Variants in ADARB2 observed in about 807,000 individuals in gnomAD.
ADARB2 encodes adenosine deaminase RNA specific B2 (inactive).
In ADARB2, 25 loss-of-function variants were observed where a neutral mutation model predicts 62.2. The observed-to-expected ratio is 0.40, with a 90% confidence interval of 0.29 to 0.56. The LOEUF is 0.56. Among genes scored for constraint, ADARB2 ranks in the 20% least tolerant of loss-of-function variants. The pLI is 0.43. For missense variants in ADARB2, 1,071 were observed against 1,077.4 expected (o/e 0.99, Z 0.08); for synonymous variants, 572 against 500.8 (o/e 1.14, Z -1.90).
At position 1,217,952 on chromosome 10, in the gene ADARB2, C is replaced by T. The variant is rs1036980314; in HGVS notation, c.1514-833G>A. Reference sequence around the variant, plus strand: ...TCTAGGGTCCCCTTGACACCCCCCGCCCCCCTATACCACATTCCCCACAAT... The same window carrying T: ...TCTAGGGTCCCCTTGACACCCCCCGTCCCCCTATACCACATTCCCCACAAT... On this transcript the variant is annotated intron_variant, in intron 6 of 9. Transcript: ENST00000381312. Among the ~76,000 whole-genome samples the T allele has an allele frequency of 2.6e-5, 4 of 152,128 alleles. 1 individual carries two copies. Among genetic ancestry groups the T allele is most frequent in the Admixed American group, 2.0e-4 (3 of 15,272 alleles).
chr10:1,365,809 G>A (rs1832309192), intron 2 of ADARB2, among the ~76,000 whole-genome samples: 2 of 152,324 alleles, frequency 1.3e-5, no homozygotes, highest in Non-Finnish European at 2.9e-5. Context: ...CTGAACAAAG[G>A]TGTGCACTGC....
chr10:1,726,745 C>T (rs1323345366), intron 1 of ADARB2, among the ~76,000 whole-genome samples: 1 of 152,118 alleles, frequency 6.6e-6, no homozygotes, highest in South Asian at 2.1e-4. Context: ...AGATGGGGAG[C>T]TGGGGACCTG....
chr10:1,638,111 C>T (rs1833937071), intron 1 of ADARB2, among the ~76,000 whole-genome samples: 1 of 152,142 alleles, frequency 6.6e-6, no homozygotes, highest in South Asian at 2.1e-4. Context: ...TCATTAGTTG[C>T]CTCTGTATTT....
intron 1 of ADARB2, among the ~76,000 whole-genome samples, chr10:1,593,281 C>A (rs185032201): frequency 1.4e-5 from 2 of 146,432 alleles, no homozygotes; most frequent in Non-Finnish European, 1.5e-5. Flanking sequence ...CCAAGCCACC[C>A]TCCATAGGTC....
intron 1 of ADARB2, among the ~76,000 whole-genome samples, chr10:1,541,476 T>C (rs1832426229): frequency 1.3e-5 from 1 of 77,230 alleles, no homozygotes; most frequent in Non-Finnish European, 2.5e-5. Context: ...CAGACGCAGT[T>C]CAGACCCTGG....
chr10:1,567,151 G>A (rs1039320512), intron 1 of ADARB2, among the ~76,000 whole-genome samples: 1 of 152,152 alleles, frequency 6.6e-6, no homozygotes, highest in African/African-American at 2.4e-5. Context: ...GGGGGTCCCT[G>A]TGATGCTCAG....
intron 1 of ADARB2, among the ~76,000 whole-genome samples, chr10:1,550,304 G>A (rs993967542): frequency 6.6e-6 from 1 of 152,196 alleles, no homozygotes; most frequent in Non-Finnish European, 1.5e-5. Flanking sequence ...TCCTGGAAGT[G>A]CTAACCTCAA....
intron 1 of ADARB2, among the ~76,000 whole-genome samples, chr10:1,504,311 T>C (rs1488397534): frequency 6.6e-6 from 1 of 152,186 alleles, no homozygotes; most frequent in African/African-American, 2.4e-5. Context: ...CACAAGCCAG[T>C]CCTACTGTTT....
rs1831847182 is a variant in ADARB2, at chr10:1,506,322, T to A, written c.101-127162A>T. 2.0e-5 allele frequency among the ~76,000 whole-genome samples: 3 copies of A among 152,184 alleles called. No homozygotes were observed. The South Asian group carries it at 6.2e-4, about 32-fold the overall frequency. On this transcript the variant is annotated intron_variant, in intron 1 of 9. Transcript: ENST00000381312. ...GAAATTCTGCCCATAATATTTATTA[T>A]TTATGGGGGGGAAATGCTGGAATGC...
At chr10:1,248,911 G>A (rs997986065) in intron 4 of ADARB2, among the ~76,000 whole-genome samples, 2 of 152,216 alleles carry the variant, frequency 1.3e-5, no homozygotes, top group African/African-American at 4.8e-5. Flanking sequence ...AGTAGCAGAT[G>A]GTTTCAAGGC....
chr10:1,603,219 G>A (rs1389949220), intron 1 of ADARB2, among the ~76,000 whole-genome samples: 1 of 152,202 alleles, frequency 6.6e-6, no homozygotes, highest in Non-Finnish European at 1.5e-5. Flanking sequence ...GAGCTGGGAT[G>A]AGGAAGATGG....
chr10:1,254,140 G>A (rs1229333350), intron 4 of ADARB2, among the ~76,000 whole-genome samples: 6 of 151,790 alleles, frequency 4.0e-5, no homozygotes, highest in Admixed American at 3.9e-4. Context: ...GGATTCCGTG[G>A]TTAGAATGCA....
chr10:1,340,072 A>G (rs1255789354), intron 3 of ADARB2, among the ~76,000 whole-genome samples: 2 of 151,762 alleles, frequency 1.3e-5, no homozygotes, highest in African/African-American at 2.4e-5. Context: ...ATCAGCACCC[A>G]CCAGAGAACC....
chr10:1,376,092 A>C (rs1391992222), intron 2 of ADARB2, among the ~76,000 whole-genome samples: 4 of 151,934 alleles, frequency 2.6e-5, no homozygotes, highest in Non-Finnish European at 4.4e-5. Context: ...CGACACACAC[A>C]CACACACGCA....
At chr10:1,603,343 C>G (rs186049589) in intron 1 of ADARB2, among the ~76,000 whole-genome samples, 8 of 152,318 alleles carry the variant, frequency 5.3e-5, no homozygotes, top group African/African-American at 1.7e-4. Flanking sequence ...GAAGCAGCAC[C>G]GGCTTGGAGC....
intron 1 of ADARB2, among the ~76,000 whole-genome samples, chr10:1,581,355 C>T (rs1053735509): frequency 1.3e-5 from 2 of 152,230 alleles, no homozygotes; most frequent in African/African-American, 2.4e-5. Flanking sequence ...GAAGGTGCTG[C>T]CTCTGCTGGT....
At chr10:1,208,705 A>T (rs1381506657) in intron 7 of ADARB2, among the ~76,000 whole-genome samples, 2 of 152,186 alleles carry the variant, frequency 1.3e-5, no homozygotes, top group East Asian at 3.9e-4. Context: ...ATGGGCTCTT[A>T]AGTGGTCATG....
chr10:1,645,607 G>C (rs1278969622), intron 1 of ADARB2, among the ~76,000 whole-genome samples: 2 of 152,160 alleles, frequency 1.3e-5, no homozygotes, highest in African/African-American at 4.8e-5. Context: ...CACACCGTCA[G>C]TGTATTTAAA....
At chr10:1,451,255 C>T (rs2820627) in intron 1 of ADARB2, among the ~76,000 whole-genome samples, 110,735 of 152,176 alleles carry the variant, frequency 0.73, 40,777 homozygotes, top group Middle Eastern at 0.84. Flanking sequence ...GGTGAAAGTG[C>T]CCTCCCAGTA....
Sources: gnomAD v4.1 joint callset for allele counts (sites outside exome capture counted in the v4.1 genomes callset) on GRCh38, gnomAD v4.1.1 for gene constraint, MANE v1.5 for transcripts, NCBI Gene and HGNC (gene_info 2026-07-23, HGNC 2026-07-21) for gene names.